The following ZFPM2 variants were observed in gnomAD, a reference collection of about 807,000 sequenced individuals.
ZFPM2 encodes zinc finger protein ZFPM2.
Under a neutral mutation model 98.6 loss-of-function variants are expected in ZFPM2, and 20 were observed. The observed-to-expected ratio is 0.20, with a 90% CI of 0.14 to 0.29. ZFPM2 has a LOEUF of 0.29. ZFPM2 is among the 10% of genes least tolerant of loss of function. The pLI is 1.00. For synonymous variants in ZFPM2, 518 were observed against 502.7 expected, an observed-to-expected ratio of 1.03 and a Z score of -0.41; for missense variants, 1,310 against 1,388.6, an observed-to-expected ratio of 0.94 and a Z score of 0.90.
At chr8:105,517,260 A>T (rs1813943945) in intron 3 of ZFPM2, among the ~76,000 whole-genome samples, 1 of 152,208 alleles carries the variant, frequency 6.6e-6, no homozygotes. Context: ...CATTTGCTTA[A>T]TGAATTATTT....
chr8:105,534,034 CCCTCCCTCCCTT>C (rs1563704346), intron 3 of ZFPM2, among the ~76,000 whole-genome samples: 13 of 21,720 alleles, frequency 6.0e-4, no homozygotes, highest in East Asian at 2.8e-3. Flanking sequence ...CTTCCTCCCT[CCCTCCCTCCCTT>C]CCTCCCTTCC....
chr8:105,699,261 G>A (rs1179667145), intron 5 of ZFPM2, among the ~76,000 whole-genome samples: 2 of 151,930 alleles, frequency 1.3e-5, no homozygotes, highest in South Asian at 2.1e-4. Context: ...TTACTAAAAT[G>A]GTATTTCTCT....
At chr8:105,483,948 A>T (rs1319716800) in intron 3 of ZFPM2, among the ~76,000 whole-genome samples, 1 of 151,524 alleles carries the variant, frequency 6.6e-6, no homozygotes, top group African/African-American at 2.4e-5. Flanking sequence ...GTTATCCAGG[A>T]TGGTCTCGAT....
chr8:105,513,189 G>A (rs1203481001), intron 3 of ZFPM2, among the ~76,000 whole-genome samples: 1 of 152,036 alleles, frequency 6.6e-6, no homozygotes, highest in African/African-American at 2.4e-5. Context: ...GTCAAATTTA[G>A]TAAATTACAT....
chr8:105,500,966 T>A (rs2130470490), intron 3 of ZFPM2, among the ~76,000 whole-genome samples: 1 of 151,760 alleles, frequency 6.6e-6, no homozygotes, highest in East Asian at 1.9e-4. Context: ...ACTTCTATAA[T>A]GATTTCAGGA....
chr8:105,360,536 G>A (rs1463663221), intron 1 of ZFPM2, among the ~76,000 whole-genome samples: 3 of 151,798 alleles, frequency 2.0e-5, no homozygotes, highest in African/African-American at 2.4e-5. Context: ...AGTTAGTTAC[G>A]TATGTATACG....
intron 1 of ZFPM2, among the ~76,000 whole-genome samples, chr8:105,337,666 G>A (rs150900195): frequency 4.0e-5 from 6 of 151,146 alleles, no homozygotes; most frequent in Admixed American, 6.6e-5. Context: ...CTTAACTATC[G>A]TCTTCTAATG....
chr8:105,399,637 T>G (rs1209850287), intron 1 of ZFPM2, among the ~76,000 whole-genome samples: 3 of 152,196 alleles, frequency 2.0e-5, no homozygotes, highest in Admixed American at 6.5e-5. Context: ...CAAAATATTT[T>G]TGAGTAGTTA....
At chr8:105,505,267 A>G (rs1287306217) in intron 3 of ZFPM2, among the ~76,000 whole-genome samples, 1 of 152,200 alleles carries the variant, frequency 6.6e-6, no homozygotes, top group African/African-American at 2.4e-5. Flanking sequence ...TAGATCGTCT[A>G]TAAATGGTTA....
At chr8:105,399,867 G>A (rs1232994244) in intron 1 of ZFPM2, among the ~76,000 whole-genome samples, 1 of 152,146 alleles carries the variant, frequency 6.6e-6, no homozygotes. Flanking sequence ...CTGGGTTCAA[G>A]TAATTCTCTT....
chr8:105,591,156 A>C (rs553583041), intron 4 of ZFPM2, among the ~76,000 whole-genome samples: 2 of 152,184 alleles, frequency 1.3e-5, no homozygotes, highest in African/African-American at 4.8e-5. Context: ...GCTGATTTTG[A>C]CTTTTTCTCC....
chr8:105,322,016 T>C (rs1454234558), intron 1 of ZFPM2, among the ~76,000 whole-genome samples: 1 of 152,138 alleles, frequency 6.6e-6, no homozygotes, highest in Non-Finnish European at 1.5e-5. Context: ...TTTTTCCTAT[T>C]CCAAGACTAT....
At chr8:105,517,025 T>TAAC (rs1434459564) in intron 3 of ZFPM2, among the ~76,000 whole-genome samples, 1 of 152,214 alleles carries the variant, frequency 6.6e-6, no homozygotes, top group East Asian at 1.9e-4. Context: ...ATCGTCTGAG[T>TAAC]AACTTTCACT....
intron 5 of ZFPM2, among the ~76,000 whole-genome samples, chr8:105,730,243 G>A (rs1811899389): frequency 6.6e-6 from 1 of 151,678 alleles, no homozygotes; most frequent in Admixed American, 6.6e-5. Context: ...GTCCAGGAAT[G>A]AAATAATATT....
intron 5 of ZFPM2, among the ~76,000 whole-genome samples, chr8:105,661,087 CAG>C (rs1817379115): frequency 6.6e-6 from 1 of 152,074 alleles, no homozygotes; most frequent in African/African-American, 2.4e-5. Context: ...ATATCAAAAA[CAG>C]TGTGGTTGGT....
At chr8:105,393,374 C>CTT (rs1204671642) in intron 1 of ZFPM2, among the ~76,000 whole-genome samples, 1 of 105,076 alleles carries the variant, frequency 9.5e-6, no homozygotes, top group East Asian at 2.4e-4. Flanking sequence ...TTCTTTCTTT[C>CTT]TTTCTTTCTT....
intron 5 of ZFPM2, among the ~76,000 whole-genome samples, chr8:105,727,223 C>A (rs939460319): frequency 9.9e-5 from 15 of 151,112 alleles, no homozygotes; most frequent in African/African-American, 3.4e-4. Flanking sequence ...TCCAACTACT[C>A]TGGAGGCTGA....
rs573824876 is a variant in ZFPM2 at position 105,561,268 on chromosome 8, A to G, written c.302-95A>G. On this transcript the variant is annotated intron_variant, in intron 3 of 7. Coordinates refer to ENST00000407775, the MANE Select transcript of ZFPM2 (RefSeq NM_012082.4). ...ATTAATTCTCTTTATATGAATCCTG[A>G]GAATATCATGTGTGTAAAGCAAACA... The G allele has an allele frequency of 1.3e-4, 115 of 904,946 alleles. No homozygotes were observed. The South Asian group carries it at 1.3e-3, about 11-fold the overall frequency. 56.1% of individuals were successfully genotyped at this position (904,946 alleles called of 1,614,324 possible). A position where few individuals can be genotyped will look rare whatever the true frequency, so the allele number is the denominator to read the frequency against.
chr8:105,445,172 A>T (rs1429895301), intron 3 of ZFPM2, among the ~76,000 whole-genome samples: 2 of 152,210 alleles, frequency 1.3e-5, no homozygotes, highest in Non-Finnish European at 2.9e-5. Flanking sequence ...TCACCCTTGC[A>T]TGACTTTGCA....
Sources: gnomAD v4.1 joint callset for allele counts (sites outside exome capture counted in the v4.1 genomes callset) on GRCh38, gnomAD v4.1.1 for gene constraint, MANE v1.5 for transcripts, NCBI Gene and HGNC (gene_info 2026-07-23, HGNC 2026-07-21) for gene names.